The following NCOR1 variants were observed in gnomAD, a reference collection of about 807,000 sequenced individuals.
NCOR1 encodes the protein protein phosphatase 1, regulatory subunit 109.
Under a neutral mutation model 288.1 loss-of-function variants are expected in NCOR1, and 63 were observed. The ratio of observed to expected loss-of-function variants is 0.22; its 90% CI spans 0.18 to 0.27. NCOR1 has a LOEUF of 0.27. NCOR1 is among the 10% of genes least tolerant of loss of function. The pLI is 1.00. For synonymous variants in NCOR1, 1,007 were observed against 1,065.9 expected (o/e 0.94, Z 1.08); for missense variants, 2,397 against 3,019.2 (o/e 0.79, Z 4.83).
intron 18 of NCOR1, 57 bp from the exon 19 acceptor site, chr17:16,108,969 T>C: frequency 7.1e-7 from 1 of 1,402,976 alleles, no homozygotes; most frequent in South Asian, 1.4e-5. Context: ...AAAAAATTCA[T>C]TTCTGAAATA....
chr17:16,080,506 G>C lies in NCOR1; in HGVS notation c.3302C>G (p.Thr1101Ser). Residue 1101 changes from threonine to serine, a missense_variant, in exon 25 of 46, where the codon ACT becomes AGT. Around this residue, in one of 11 missense-constraint regions of NCOR1, gnomAD observed 1,872 missense variants for 2,187.8 expected, o/e 0.86. Coordinates refer to ENST00000268712, the MANE Select transcript of NCOR1 (RefSeq NM_006311.4). ...TTCTTCCTGCTTGATGTAGGGCAAA[G>C]TAGCTGTGGAAAGGCAGAGAAACAT... ...PRQQESAKSATLPYIKQEEFS... is the reference protein window; with the variant it reads ...PRQQESAKSASLPYIKQEEFS... 6.2e-7 allele frequency: 1 copy of C among 1,614,088 alleles called. No homozygotes were observed. The highest frequency in any genetic ancestry group is 8.5e-7 in the Non-Finnish European group (1 of 1,180,000).
chr17:16,153,983 C>G (rs1370528990), intron 6 of NCOR1, among the ~76,000 whole-genome samples: 1 of 143,208 alleles, frequency 7.0e-6, no homozygotes, highest in African/African-American at 2.6e-5. Flanking sequence ...TTAAAAAATG[C>G]TGAATTATAT....
intron 14 of NCOR1, among the ~76,000 whole-genome samples, chr17:16,129,751 G>T (rs1452401800): frequency 6.6e-6 from 1 of 152,166 alleles, no homozygotes; most frequent in African/African-American, 2.4e-5. Context: ...CCCAGAAAAC[G>T]GTTTATGGCC....
At chr17:16,055,965 A>G (rs3760296) in intron 40 of NCOR1, among the ~76,000 whole-genome samples, 7,769 of 152,304 alleles carry the variant, frequency 0.051, 230 homozygotes, top group African/African-American at 0.095. Context: ...AAAATGAAAC[A>G]AAACTCGTCA....
intron 26 of NCOR1, among the ~76,000 whole-genome samples, chr17:16,077,017 T>C (rs1260648443): frequency 6.6e-6 from 1 of 152,184 alleles, no homozygotes; most frequent in African/African-American, 2.4e-5. Flanking sequence ...TTGCCTCATC[T>C]GCCACATTCA....
At chr17:16,060,508 A>C (rs901890882) in intron 37 of NCOR1, among the ~76,000 whole-genome samples, 11 of 152,134 alleles carry the variant, frequency 7.2e-5, no homozygotes, top group African/African-American at 2.7e-4. Flanking sequence ...AGATTTTCCT[A>C]ATCTCAGGTT....
At chr17:16,159,305 A>AAG (rs2080338152) in intron 5 of NCOR1, among the ~76,000 whole-genome samples, 1 of 151,512 alleles carries the variant, frequency 6.6e-6, no homozygotes, top group African/African-American at 2.4e-5. Context: ...CCCAGCTACT[A>AAG]AGAAGGCTGA....
chr17:16,211,130 T>C (rs915637017), intron 1 of NCOR1, among the ~76,000 whole-genome samples: 2 of 152,188 alleles, frequency 1.3e-5, no homozygotes, highest in African/African-American at 2.4e-5. Flanking sequence ...GATTCTGCTA[T>C]TGCCCAACTT....
chr17:16,077,226 A>G (rs1043865180), intron 26 of NCOR1, among the ~76,000 whole-genome samples: 2 of 151,696 alleles, frequency 1.3e-5, no homozygotes, highest in African/African-American at 4.8e-5. Flanking sequence ...GCGAAACCCC[A>G]TCTCTACTAA....
chr17:16,110,022 G>A (rs555380989), intron 18 of NCOR1, among the ~76,000 whole-genome samples: 1 of 152,182 alleles, frequency 6.6e-6, no homozygotes, highest in South Asian at 2.1e-4. Flanking sequence ...GTGAGCCACC[G>A]CACCCAGCCA....
At chr17:16,192,427 G>A (rs747457910) in intron 2 of NCOR1, among the ~76,000 whole-genome samples, 10 of 152,184 alleles carry the variant, frequency 6.6e-5, no homozygotes, top group Non-Finnish European at 1.5e-4. Flanking sequence ...AGGCCGAGGA[G>A]GGTGGATCAC....
chr17:16,173,721 G>A (rs1055346152), intron 3 of NCOR1, among the ~76,000 whole-genome samples: 1 of 152,084 alleles, frequency 6.6e-6, no homozygotes, highest in African/African-American at 2.4e-5. Context: ...TCTGAGGTCA[G>A]GAGTTCGAGA....
intron 3 of NCOR1, among the ~76,000 whole-genome samples, chr17:16,186,040 A>G (rs2086612448): frequency 1.3e-5 from 2 of 152,208 alleles, no homozygotes; most frequent in Admixed American, 1.3e-4. Context: ...CCCACCATGC[A>G]TGTACAGGAC....
Position 16,149,526 on chromosome 17 carries a change from G to T in NCOR1, c.843-9C>A. Reference sequence around the variant, plus strand: ...TCCTCATCACCTGGTTTCTAGAAGAGAAAAATATGGTTGCATGACATTAAG... The same window carrying T: ...TCCTCATCACCTGGTTTCTAGAAGATAAAAATATGGTTGCATGACATTAAG... On this transcript the variant is annotated splice_polypyrimidine_tract_variant and intron_variant, in intron 8 of 45. Transcript: ENST00000268712. The T allele has an allele frequency of 7.1e-7, 1 of 1,400,038 alleles. No homozygotes were observed. 86.7% of individuals were successfully genotyped at this position (1,400,038 alleles called of 1,614,324 possible).
chr17:16,086,378 A>C lies in NCOR1; in HGVS notation c.3081T>G (p.Thr1027=). The change falls in exon 23 of 46, where the codon ACT becomes ACG. Residue 1027 remains threonine, a synonymous_variant. Transcript: ENST00000268712. ...GAGGGGGCGGTGGCCTGGTTGGTCG[A>C]GTTGTCGGAAGCCGAACGCCTTCAG... ...NLPEGVRLPT[T]RPTRPPPPLI... The C allele has an allele frequency of 2.5e-6, 4 of 1,614,088 alleles. No individual in the cohort carries two copies. Among genetic ancestry groups the C allele is most frequent in the Non-Finnish European group, 3.4e-6 (4 of 1,180,004 alleles).
intron 18 of NCOR1, among the ~76,000 whole-genome samples, chr17:16,113,923 A>G (rs2070915435): frequency 6.6e-6 from 1 of 151,788 alleles, no homozygotes; most frequent in South Asian, 2.1e-4. Flanking sequence ...AAAATCTGTA[A>G]CCTATCTTAC....
In NCOR1 at chr17:16,065,644, G is replaced by C; in HGVS notation, c.4792C>G (p.Pro1598Ala). The change falls in exon 33 of 46, where the codon CCA (proline) becomes GCA (alanine). Residue 1598 changes from proline to alanine, a missense_variant. Coordinates refer to ENST00000268712, the MANE Select transcript of NCOR1 (RefSeq NM_006311.4). Reference sequence around the variant, plus strand: ...ATTGCGTAAAGCTGATACTGACTTGGGTAACCTGGAGTTGGTGAAAGCTGT... The same window carrying C: ...ATTGCGTAAAGCTGATACTGACTTGCGTAACCTGGAGTTGGTGAAAGCTGT... ...QRQLSPTPGY[P>A]SQYQLYAMEN... 6.2e-7 allele frequency: 1 copy of C among 1,614,196 alleles called. No individual in the cohort carries two copies. Among genetic ancestry groups the C allele is most frequent in the Non-Finnish European group, 8.5e-7 (1 of 1,180,046 alleles).
chr17:16,183,251 G>GA (rs1021160883), intron 3 of NCOR1, among the ~76,000 whole-genome samples: 6 of 120,698 alleles, frequency 5.0e-5, no homozygotes, highest in Middle Eastern at 4.6e-3. Context: ...AAAAAGAAAA[G>GA]AAAAAAAAGA....
rs765279624 is a variant in NCOR1 at position 16,121,164 on chromosome 17, G to A, written c.1740C>T (p.Arg580=). 9 of 1,614,130 alleles carry A rather than the reference G, an allele frequency of 5.6e-6. No individual in the cohort carries two copies. The Admixed American group carries it at 1.5e-4, about 27-fold the overall frequency. The change falls in exon 16 of 46, where the codon CGC becomes CGT. Residue 580 remains arginine, a synonymous_variant. Coordinates refer to ENST00000268712, the MANE Select transcript of NCOR1 (RefSeq NM_006311.4). ...RGRKTANSQG[R]RKGRITRSMT... is the part of the protein sequence containing the mutation. Reference sequence around the variant, plus strand: ...TGGACCTGGTGATCCGGCCCTTACGGCGGCCCTGACTGTTGGCAGTCTTTC... The same window carrying A: ...TGGACCTGGTGATCCGGCCCTTACGACGGCCCTGACTGTTGGCAGTCTTTC...
Sources: allele counts gnomAD v4.1 joint callset (sites outside exome capture counted in the v4.1 genomes callset), GRCh38; gene constraint gnomAD v4.1.1; regional missense constraint gnomAD v4.1.1; transcripts MANE v1.5; gene names NCBI Gene and HGNC (gene_info 2026-07-23, HGNC 2026-07-21).